The following RYR3 variants were observed in gnomAD, a reference collection of about 807,000 sequenced individuals.
The protein encoded by RYR3 is ryanodine receptor 3, also known as brain ryanodine receptor-calcium release channel.
RYR3 carries 207 observed loss-of-function variants against 584.3 expected under a neutral mutation model. The ratio of observed to expected loss-of-function variants is 0.35; its 90% CI spans 0.32 to 0.40. The LOEUF is 0.40. Ranked by LOEUF, RYR3 falls within the 10% of genes least tolerant of loss-of-function variation. RYR3 has a pLI of 1.00. For missense variants in RYR3, 5,616 were observed against 6,089.2 expected, an observed-to-expected ratio of 0.92 and a Z score of 2.59; for synonymous variants, 2,416 against 2,248.5, an observed-to-expected ratio of 1.07 and a Z score of -2.11.
At position 33,800,866 on chromosome 15, in the gene RYR3, A is replaced by G; in HGVS notation, c.9918+9A>G. The G allele has an allele frequency of 6.3e-7, 1 of 1,592,976 alleles. No individual in the cohort carries two copies. On this transcript the variant is annotated intron_variant, in intron 68 of 103. Coordinates refer to ENST00000634891, the MANE Select transcript of RYR3 (RefSeq NM_001036.6). ...TGTGGTGTAAATCTCATGTAAGAAC[A>G]CATTTGGGCCCTGGGTTTAGAATGG...
intron 1 of RYR3, among the ~76,000 whole-genome samples, chr15:33,372,720 G>A (rs184564314): frequency 3.7e-4 from 57 of 152,002 alleles, no homozygotes; most frequent in African/African-American, 1.4e-3. Flanking sequence ...TGCCCAGGCT[G>A]GTCTCGAACT....
chr15:33,406,618 C>T (rs1165835923), intron 1 of RYR3, among the ~76,000 whole-genome samples: 2 of 152,224 alleles, frequency 1.3e-5, no homozygotes, highest in African/African-American at 4.8e-5. Flanking sequence ...TCAAATAGTA[C>T]AGCAGAGGAA....
chr15:33,723,853 G>T (rs746950038), intron 44 of RYR3, among the ~76,000 whole-genome samples: 1 of 152,206 alleles, frequency 6.6e-6, no homozygotes, highest in Non-Finnish European at 1.5e-5. Flanking sequence ...AAGATTCATG[G>T]AATCCTGTGA....
intron 1 of RYR3, among the ~76,000 whole-genome samples, chr15:33,406,448 A>G (rs1404783638): frequency 1.3e-5 from 2 of 152,232 alleles, no homozygotes; most frequent in South Asian, 2.1e-4. Flanking sequence ...TATCCCCGTC[A>G]GCATGACAGT....
intron 22 of RYR3, among the ~76,000 whole-genome samples, 168 bp downstream of exon 22, chr15:33,630,211 C>G (rs2061197194): frequency 6.6e-6 from 1 of 152,070 alleles, no homozygotes; most frequent in South Asian, 2.1e-4. Context: ...AACCATCCAC[C>G]ATTATTATTG....
At chr15:33,864,882 G>A (rs2153028566) in intron 103 of RYR3, 2 of 455,612 alleles carry the variant, frequency 4.4e-6, no homozygotes, top group Admixed American at 3.8e-5. Context: ...AACATTGATT[G>A]GTTTCAGTTT....
rs35491164 is a variant in RYR3 at position 33,368,338 on chromosome 15, CTTTTTTT to C, written c.51+57261_51+57267del. Among the ~76,000 whole-genome samples, 98 of 85,848 alleles carry C rather than the reference CTTTTTTT, an allele frequency of 1.1e-3. 1 individual carries two copies. The highest frequency in any genetic ancestry group is 4.5e-3 in the African/African-American group (92 of 20,280). 56.3% of individuals were successfully genotyped at this position (85,848 alleles called of 152,430 possible). Reference sequence around the variant, plus strand: ...TGTTTCTTCATTGTAGCCTTCCTGTCTTTTTTTTTTTTTTTTTTTTTTTTTACCATGG... The same window carrying C: ...TGTTTCTTCATTGTAGCCTTCCTGTCTTTTTTTTTTTTTTTTTTACCATGG... On this transcript the variant is annotated intron_variant, in intron 1 of 103. Coordinates refer to ENST00000634891, the MANE Select transcript of RYR3 (RefSeq NM_001036.6).
In RYR3 at chr15:33,810,600, C is replaced by T. The variant is rs2076472283; in HGVS notation, c.10148C>T (p.Thr3383Ile). 6.2e-7 allele frequency: 1 copy of T among 1,613,924 alleles called. No homozygotes were observed. Residue 3383 changes from threonine to isoleucine, a missense_variant, in exon 71 of 104, where the codon ACT (threonine) becomes ATT (isoleucine). Physicochemically the swap from Thr to Ile is moderately conservative, Grantham distance 89. Around this residue, in one of 9 missense-constraint regions of RYR3, gnomAD observed 954 missense variants for 1,132.2 expected, o/e 0.84. Coordinates refer to ENST00000634891, the MANE Select transcript of RYR3 (RefSeq NM_001036.6). The part of the protein sequence containing the change: ...KMLPIGLNMC[T>I]PGDQELISLA... ...CTGCCCATTGGTTTGAATATGTGTA[C>T]TCCAGGCGACCAGGAGCTGATCTCC...
intron 9 of RYR3, among the ~76,000 whole-genome samples, chr15:33,548,974 A>G (rs1022297883): frequency 2.0e-5 from 3 of 152,146 alleles, no homozygotes; most frequent in African/African-American, 7.2e-5. Context: ...TCTCTCACGC[A>G]GGGTATATGC....
chr15:33,613,454 G>A, intron 19 of RYR3, 79 bp downstream of exon 19: 1 of 1,397,976 alleles, frequency 7.2e-7, no homozygotes, highest in Non-Finnish European at 9.7e-7. Context: ...GAAGCCAGCA[G>A]TCTCCTTCAG....
chr15:33,396,518 T>C (rs1189724571), intron 1 of RYR3, among the ~76,000 whole-genome samples: 1 of 152,232 alleles, frequency 6.6e-6, no homozygotes, highest in Non-Finnish European at 1.5e-5. Context: ...TGTCTTTAGA[T>C]GAGAGATCTC....
Position 33,745,978 on chromosome 15 carries a change from C to G in RYR3, c.7900-90C>G, listed in dbSNP as rs537054038. Reference sequence around the variant, plus strand: ...AGCCCTGTCACTATCCATTACTCCACTTGCTCCATGAAAATAGAAGCAGGG... The same window carrying G: ...AGCCCTGTCACTATCCATTACTCCAGTTGCTCCATGAAAATAGAAGCAGGG... On this transcript the variant is annotated intron_variant, in intron 52 of 103. Transcript: ENST00000634891. 15 of 860,262 alleles carry G rather than the reference C, an allele frequency of 1.7e-5. No individual in the cohort carries two copies. In the African/African-American group the frequency reaches 2.3e-4, roughly 13 times the overall value. The allele number at this position is 860,262 out of a possible 1,614,324, so 53.3% of individuals were successfully genotyped here.
intron 42 of RYR3, among the ~76,000 whole-genome samples, chr15:33,703,256 T>C (rs1445602881): frequency 6.6e-6 from 1 of 152,244 alleles, no homozygotes; most frequent in Non-Finnish European, 1.5e-5. Context: ...CCCGTGTTTG[T>C]GCAGCATATT....
chr15:33,832,807 C>A (rs550083305), intron 86 of RYR3, among the ~76,000 whole-genome samples: 1 of 151,714 alleles, frequency 6.6e-6, no homozygotes, highest in Non-Finnish European at 1.5e-5. Context: ...GTCAGAAGTT[C>A]GAGAGCAGCC....
intron 98 of RYR3, among the ~76,000 whole-genome samples, chr15:33,855,244 C>T (rs891146025): frequency 3.3e-5 from 5 of 151,850 alleles, no homozygotes; most frequent in Non-Finnish European, 7.4e-5. Context: ...GTAGCCCAGG[C>T]TGGAGTGCAG....
chr15:33,351,778 C>A (rs1567077111), intron 1 of RYR3, among the ~76,000 whole-genome samples: 1 of 151,226 alleles, frequency 6.6e-6, no homozygotes, highest in African/African-American at 2.4e-5. Flanking sequence ...TAACAGCTAT[C>A]TATGACAAAC....
chr15:33,504,508 C>T (rs1046531010), intron 3 of RYR3, among the ~76,000 whole-genome samples: 18 of 152,318 alleles, frequency 1.2e-4, no homozygotes, highest in East Asian at 7.7e-4. Context: ...CTTTTGGTTA[C>T]GGCAACAGCC....
intron 3 of RYR3, among the ~76,000 whole-genome samples, chr15:33,523,781 C>A (rs1476388291): frequency 2.0e-5 from 3 of 152,142 alleles, no homozygotes; most frequent in African/African-American, 4.8e-5. Flanking sequence ...TGGGACCCAA[C>A]TGCAACGAAT....
chr15:33,822,660 C>G (rs1325932965), intron 80 of RYR3, among the ~76,000 whole-genome samples: 1 of 152,250 alleles, frequency 6.6e-6, no homozygotes, highest in African/African-American at 2.4e-5. Context: ...AGCTAGGCTC[C>G]TTACTGGCTA....
Sources: allele counts gnomAD v4.1 joint callset (sites outside exome capture counted in the v4.1 genomes callset), GRCh38; gene constraint gnomAD v4.1.1; regional missense constraint gnomAD v4.1.1; transcripts MANE v1.5; gene names NCBI Gene and HGNC (gene_info 2026-07-23, HGNC 2026-07-21).